The following CNIH3 variants were observed in gnomAD, a reference collection of about 807,000 sequenced individuals.
CNIH3 encodes the protein cornichon family AMPA receptor auxiliary protein 3, also known as protein cornichon homolog 3.
A neutral mutation model predicts 24.1 loss-of-function variants in CNIH3; 14 were observed. The observed-to-expected ratio is 0.58, with a 90% CI of 0.38 to 0.91. The LOEUF (loss-of-function observed/expected upper bound fraction) is 0.91. Ranked by LOEUF, CNIH3 falls within the 40% of genes least tolerant of loss-of-function variation. CNIH3 has a pLI of 0.00. For missense variants in CNIH3, 178 were observed against 196.8 expected (o/e 0.90, Z 0.57); for synonymous variants, 68 against 73.8 (o/e 0.92, Z 0.40).
At chr1:224,488,000 T>C (rs1226924619) in intron 1 of CNIH3, among the ~76,000 whole-genome samples, 1 of 152,182 alleles carries the variant, frequency 6.6e-6, no homozygotes, top group Admixed American at 6.5e-5. Flanking sequence ...TTTGTGTCTC[T>C]ACACCATTCC....
chr1:224,593,301 T>C (rs74146394), downstream of CNIH3, among the ~76,000 whole-genome samples: 3,958 of 152,182 alleles, frequency 0.026, 176 homozygotes, highest in African/African-American at 0.09. Context: ...ACCACAGGCA[T>C]GTGGCACCAT....
intron 4 of CNIH3, among the ~76,000 whole-genome samples, chr1:224,578,868 C>G (rs1430443474): frequency 6.6e-6 from 1 of 152,110 alleles, no homozygotes; most frequent in African/African-American, 2.4e-5. Context: ...TAAAGTTTCA[C>G]AGAGTATTTT....
chr1:224,666,538 A>G (rs1685606250), intron 1 of CNIH3, among the ~76,000 whole-genome samples: 1 of 152,178 alleles, frequency 6.6e-6, no homozygotes. Context: ...GCAGGTGATC[A>G]TTAGAGTGGG....
At chr1:224,572,572 A>T (rs2125002216) in intron 4 of CNIH3, among the ~76,000 whole-genome samples, 1 of 150,754 alleles carries the variant, frequency 6.6e-6, no homozygotes, top group Non-Finnish European at 1.5e-5. Flanking sequence ...AAACTTTACT[A>T]CAGCAATCCT....
At chr1:224,631,553 T>G (rs1382118481) in intron 1 of CNIH3, among the ~76,000 whole-genome samples, 1 of 152,184 alleles carries the variant, frequency 6.6e-6, no homozygotes, top group Non-Finnish European at 1.5e-5. Flanking sequence ...TCTTTTGCCC[T>G]CCTTTTATTC....
At chr1:224,634,322 G>A (rs1486883647) in intron 1 of CNIH3, among the ~76,000 whole-genome samples, 1 of 152,178 alleles carries the variant, frequency 6.6e-6, no homozygotes, top group Non-Finnish European at 1.5e-5. Flanking sequence ...GGTGGCTCAC[G>A]CACTTTGGGA....
intron 1 of CNIH3, among the ~76,000 whole-genome samples, chr1:224,465,309 G>T (rs906130680): frequency 1.3e-4 from 20 of 152,188 alleles, no homozygotes; most frequent in African/African-American, 4.3e-4. Flanking sequence ...GGGTTTCTCC[G>T]TGTTGGTCAG....
At chr1:224,618,187 A>C (rs537637383) in intron 1 of CNIH3, among the ~76,000 whole-genome samples, 2 of 152,364 alleles carry the variant, frequency 1.3e-5, no homozygotes, top group South Asian at 4.1e-4. Context: ...TAGCGAGTGC[A>C]TGCAACTCTC....
At chr1:224,601,514 C>T (rs1027007714) in intron 3 of CNIH3, among the ~76,000 whole-genome samples, 4 of 152,142 alleles carry the variant, frequency 2.6e-5, no homozygotes, top group Admixed American at 6.5e-5. Context: ...CTTTCCCTGG[C>T]GCTGGCTGTG....
intron 1 of CNIH3, among the ~76,000 whole-genome samples, chr1:224,499,913 A>G (rs1391580866): frequency 2.6e-5 from 4 of 151,786 alleles, no homozygotes; most frequent in Non-Finnish European, 5.9e-5. Flanking sequence ...AAAAAAAAAA[A>G]AGAAAAAAGA....
chr1:224,657,409 T>TAGAG (rs142879463), intron 1 of CNIH3, among the ~76,000 whole-genome samples: 4,143 of 146,866 alleles, frequency 0.028, 164 homozygotes, highest in African/African-American at 0.095. Flanking sequence ...AGAAATAGGG[T>TAGAG]AGAGAGAGAG....
intron 2 of CNIH3, among the ~76,000 whole-genome samples, chr1:224,526,327 A>G (rs1678844877): frequency 6.6e-6 from 1 of 152,166 alleles, no homozygotes; most frequent in Admixed American, 6.5e-5. Context: ...TTAAGCCACA[A>G]GGGCAAACTA....
At chr1:224,510,247 C>T (rs967326140) in intron 1 of CNIH3, among the ~76,000 whole-genome samples, 10 of 152,094 alleles carry the variant, frequency 6.6e-5, no homozygotes, top group Non-Finnish European at 1.3e-4. Flanking sequence ...GAGGGGTCAG[C>T]GGGAGTCAGT....
intron 3 of CNIH3, among the ~76,000 whole-genome samples, chr1:224,728,713 C>G (rs957668225): frequency 1.3e-5 from 2 of 152,198 alleles, no homozygotes; most frequent in Non-Finnish European, 2.9e-5. Flanking sequence ...ATGGTCCATA[C>G]CCAAATGGGA....
chr1:224,614,128 C>T (rs781684960), upstream of CNIH3, among the ~76,000 whole-genome samples: 26 of 152,178 alleles, frequency 1.7e-4, no homozygotes, highest in Admixed American at 3.3e-4. Context: ...GATCTGCCCA[C>T]CTCGACCTCC....
At chr1:224,666,764 T>C (rs374291148) in intron 1 of CNIH3, among the ~76,000 whole-genome samples, 1 of 152,236 alleles carries the variant, frequency 6.6e-6, no homozygotes, top group East Asian at 1.9e-4. Context: ...TTGAGAACTT[T>C]AGGCTTTATC....
intron 1 of CNIH3, among the ~76,000 whole-genome samples, chr1:224,519,218 G>A (rs557929178): frequency 1.3e-5 from 2 of 152,298 alleles, no homozygotes; most frequent in African/African-American, 4.8e-5. Context: ...TCACAGCACC[G>A]CATGGCAGGG....
At chr1:224,619,100 G>A (rs1023875067) in intron 1 of CNIH3, among the ~76,000 whole-genome samples, 2 of 152,186 alleles carry the variant, frequency 1.3e-5, no homozygotes, top group African/African-American at 4.8e-5. Flanking sequence ...TTGGCCAGAG[G>A]GTGTCAGGTA....
chr1:224,667,326 T>C lies in CNIH3; in HGVS notation c.82-13632T>C, dbSNP rs970032399. Among the ~76,000 whole-genome samples the C allele has an allele frequency of 3.3e-5, 5 of 152,306 alleles. No homozygotes were observed. In the East Asian group the frequency reaches 9.6e-4, roughly 29 times the overall value. Reference sequence around the variant, plus strand: ...AAATATGAGGCAAAAATGAGTGCAATTGATTTTCATTCAGTGAAGGACACC... The same window carrying C: ...AAATATGAGGCAAAAATGAGTGCAACTGATTTTCATTCAGTGAAGGACACC... On this transcript the variant is annotated intron_variant, in intron 1 of 5. Transcript: ENST00000272133.
Sources: allele counts gnomAD v4.1 joint callset (sites outside exome capture counted in the v4.1 genomes callset), GRCh38; gene constraint gnomAD v4.1.1; transcripts MANE v1.5; gene names NCBI Gene and HGNC (gene_info 2026-07-23, HGNC 2026-07-21).